Variants in DOCK8 observed in about 807,000 individuals in gnomAD.
DOCK8 encodes the protein dedicator of cytokinesis 8.
Under a neutral mutation model 245.6 loss-of-function variants are expected in DOCK8, and 141 were observed. The observed-to-expected ratio is 0.57, with a 90% CI of 0.50 to 0.66. The LOEUF (loss-of-function observed/expected upper bound fraction) is 0.66, where lower values mean the gene tolerates loss of function less well. Among genes scored for constraint, DOCK8 ranks in the 30% least tolerant of loss-of-function variants. DOCK8 has a pLI of 0.00. For missense variants in DOCK8, 2,965 were observed against 2,603.4 expected (o/e 1.14, Z -3.02); for synonymous variants, 1,168 against 970.2 (o/e 1.20, Z -3.79).
chr9:328,308 C>T (rs2050855408), intron 9 of DOCK8, 137 bp downstream of exon 9: 1 of 1,207,842 alleles, frequency 8.3e-7, no homozygotes, highest in South Asian at 1.3e-5. Context: ...TCTCAGTTTA[C>T]CCCTTTTCCG....
intron 6 of DOCK8, among the ~76,000 whole-genome samples, chr9:315,861 G>T (rs1179933187): frequency 6.6e-6 from 1 of 152,204 alleles, no homozygotes. Context: ...ATCCATGAGT[G>T]TCTCTACCTT....
intron 33 of DOCK8, among the ~76,000 whole-genome samples, chr9:424,941 A>G (rs913635789): frequency 2.6e-5 from 4 of 152,224 alleles, no homozygotes; most frequent in African/African-American, 9.6e-5. Flanking sequence ...TGCTTGAAAT[A>G]TGGCTAGTTC....
At chr9:460,715 C>G (rs570861626) in intron 46 of DOCK8, among the ~76,000 whole-genome samples, 3 of 152,234 alleles carry the variant, frequency 2.0e-5, no homozygotes, top group Admixed American at 6.5e-5. Flanking sequence ...CAGGCTAATT[C>G]CATGATGAAG....
chr9:258,501 A>G (rs548600715), intron 1 of DOCK8, among the ~76,000 whole-genome samples: 1 of 152,208 alleles, frequency 6.6e-6, no homozygotes, highest in Admixed American at 6.5e-5. Flanking sequence ...AGTGGGTGCA[A>G]GAGCTCAAAG....
chr9:334,577 G>C (rs927276383), intron 11 of DOCK8, among the ~76,000 whole-genome samples, 193 bp downstream of exon 11: 1 of 152,158 alleles, frequency 6.6e-6, no homozygotes, highest in Non-Finnish European at 1.5e-5. Flanking sequence ...AAATTATCAC[G>C]AACATTGGTG....
intron 1 of DOCK8, among the ~76,000 whole-genome samples, chr9:241,296 C>T (rs2047367923): frequency 6.6e-6 from 1 of 152,144 alleles, no homozygotes; most frequent in African/African-American, 2.4e-5. Context: ...ACTACCTCAT[C>T]CCACAGTAGT....
intron 2 of DOCK8, among the ~76,000 whole-genome samples, chr9:275,629 C>G (rs1335116090): frequency 6.6e-6 from 1 of 152,184 alleles, no homozygotes; most frequent in African/African-American, 2.4e-5. Flanking sequence ...CGCTCTGTCA[C>G]CCAGGCTGGA....
chr9:217,064 A>G (rs1029865055), intron 1 of DOCK8, among the ~76,000 whole-genome samples: 1 of 152,210 alleles, frequency 6.6e-6, no homozygotes, highest in Admixed American at 6.5e-5. Context: ...AATAGGTACA[A>G]AGTCCGAATT....
At position 334,374 on chromosome 9, in the gene DOCK8, C is replaced by T; in HGVS notation, c.1275C>T (p.Asp425=). 1 of 1,612,934 alleles carries T rather than the reference C, an allele frequency of 6.2e-7. No individual in the cohort carries two copies. The highest frequency in any genetic ancestry group is 8.5e-7 in the Non-Finnish European group (1 of 1,179,052). Residue 425 remains aspartate (D), a synonymous_variant, in exon 11 of 48, where the codon GAC becomes GAT. Coordinates refer to ENST00000432829, the MANE Select transcript of DOCK8 (RefSeq NM_203447.4). ...TTGAGAGGGAGGTAACTGATGTGGA[C>T]TCTGTGGTTGGTAAGATTTTCACCT... ...STLEREVTDV[D]SVVGRSSVGE...
intron 1 of DOCK8, among the ~76,000 whole-genome samples, chr9:225,192 G>A (rs1201424428): frequency 6.6e-6 from 1 of 152,096 alleles, no homozygotes; most frequent in Non-Finnish European, 1.5e-5. Flanking sequence ...GACTATAAAT[G>A]CAAAAGTTAG....
At chr9:236,639 A>C (rs1157687264) in intron 1 of DOCK8, among the ~76,000 whole-genome samples, 2 of 152,222 alleles carry the variant, frequency 1.3e-5, no homozygotes, top group Non-Finnish European at 2.9e-5. Context: ...TGAGGCTTCT[A>C]GGTCCAGTAT....
chr9:252,966 G>T (rs1402852034), intron 1 of DOCK8, among the ~76,000 whole-genome samples: 1 of 152,160 alleles, frequency 6.6e-6, no homozygotes, highest in Non-Finnish European at 1.5e-5. Flanking sequence ...AGCACAGAGT[G>T]TTTTATTCTG....
At chr9:310,635 A>G (rs1448154099) in intron 5 of DOCK8, among the ~76,000 whole-genome samples, 2 of 152,028 alleles carry the variant, frequency 1.3e-5, no homozygotes, top group East Asian at 3.9e-4. Context: ...ATTGTTTTGT[A>G]TTTTTAGTAG....
chr9:273,509 A>T (rs1299885360), intron 2 of DOCK8, among the ~76,000 whole-genome samples: 1 of 152,214 alleles, frequency 6.6e-6, no homozygotes, highest in Admixed American at 6.5e-5. Flanking sequence ...TAGATTGGAT[A>T]CACTTTTAAA....
intron 6 of DOCK8, among the ~76,000 whole-genome samples, chr9:315,817 A>C (rs2050319332): frequency 6.6e-6 from 1 of 152,232 alleles, no homozygotes; most frequent in African/African-American, 2.4e-5. Context: ...AAGGATTTCA[A>C]AAATTAGAAT....
At chr9:315,295 A>G (rs2050295084) in intron 6 of DOCK8, among the ~76,000 whole-genome samples, 2 of 152,228 alleles carry the variant, frequency 1.3e-5, no homozygotes, top group South Asian at 2.1e-4. Flanking sequence ...AGAGGTATCC[A>G]TTAATGTTTC....
At position 242,212 on chromosome 9, in the gene DOCK8, C is replaced by T. The variant is rs114651498; in HGVS notation, c.53+27183C>T. Among the ~76,000 whole-genome samples, 1,016 of 152,262 alleles carry T rather than the reference C, an allele frequency of 6.7e-3. 10 individuals carry two copies. The highest frequency in any genetic ancestry group is 0.022 in the African/African-American group (933 of 41,542). ...TTCACTTTGTCCTTGTAAAAATTAT[C>T]TGCCTAGTGGGTCCACTCCCCACCT... On this transcript the variant is annotated intron_variant, in intron 1 of 47. Transcript: ENST00000432829.
intron 28 of DOCK8, among the ~76,000 whole-genome samples, chr9:410,813 C>G (rs2055686339): frequency 6.6e-6 from 1 of 152,144 alleles, no homozygotes; most frequent in Admixed American, 6.6e-5. Context: ...ACAAAATTCA[C>G]CAATCTTTAG....
intron 4 of DOCK8, among the ~76,000 whole-genome samples, chr9:292,387 C>CAAAAAAA (rs5895837): frequency 7.9e-5 from 5 of 63,060 alleles, no homozygotes; most frequent in Admixed American, 2.9e-4. Flanking sequence ...AACTCCGTCT[C>CAAAAAAA]AAAAAAAAAA....
Sources: gnomAD v4.1 joint callset for allele counts (sites outside exome capture counted in the v4.1 genomes callset) on GRCh38, gnomAD v4.1.1 for gene constraint, MANE v1.5 for transcripts, NCBI Gene and HGNC (gene_info 2026-07-23, HGNC 2026-07-21) for gene names.